DIMT1: variants seen among roughly 807,000 people sequenced by gnomAD.
DIMT1 encodes the protein DIM1 rRNA methyltransferase and ribosome maturation factor, also known as dimethyladenosine transferase.
In DIMT1, 36 loss-of-function variants were observed where a neutral mutation model predicts 43.2. The ratio of observed to expected loss-of-function variants is 0.83; its 90% CI spans 0.64 to 1.10. The LOEUF (loss-of-function observed/expected upper bound fraction) is 1.10. DIMT1 is among the 50% of genes least tolerant of loss of function. DIMT1 has a pLI of 0.00. For synonymous variants in DIMT1, 126 were observed against 130.3 expected, an observed-to-expected ratio of 0.97 and a Z score of 0.22; for missense variants, 341 against 385.3, an observed-to-expected ratio of 0.88 and a Z score of 0.96.
intron 8 of DIMT1, 54 bp from the exon 9 acceptor site, chr5:62,393,044 A>G (rs1216699088): frequency 2.2e-5 from 26 of 1,189,648 alleles, no homozygotes; most frequent in Non-Finnish European, 3.0e-5. Flanking sequence ...GTTCTTGTCT[A>G]TGCCCACTAG....
chr5:62,402,566 CA>C (rs1404934823), intron 2 of DIMT1, among the ~76,000 whole-genome samples: 1 of 152,238 alleles, frequency 6.6e-6, no homozygotes, highest in Non-Finnish European at 1.5e-5. Flanking sequence ...TGTCTGCACA[CA>C]GCTCTAATAT....
intron 11 of DIMT1, 115 bp from the exon 12 acceptor site, chr5:62,389,167 A>C: frequency 2.3e-6 from 2 of 862,790 alleles, no homozygotes; most frequent in Admixed American, 5.6e-5. Flanking sequence ...TACAGAGCCC[A>C]CCCACTCCTA....
chr5:62,398,996 A>G (rs1489241739), intron 3 of DIMT1, 115 bp from the exon 4 acceptor site: 4 of 861,216 alleles, frequency 4.6e-6, no homozygotes, highest in East Asian at 2.7e-5. Context: ...TCCCATTTCT[A>G]CCATCAATAT....
intron 11 of DIMT1, among the ~76,000 whole-genome samples, chr5:62,390,261 T>C (rs1418237647): frequency 6.6e-6 from 1 of 152,222 alleles, no homozygotes; most frequent in African/African-American, 2.4e-5. Flanking sequence ...AATTGAAGCC[T>C]TATTCTGTTT....
In DIMT1 at chr5:62,403,841, C is replaced by T. The variant is rs1476903965; in HGVS notation, c.-69G>A. On this transcript the variant is annotated 5_prime_UTR_variant, in exon 1 of 12. Transcript: ENST00000199320. ...CCAAAGAGGGCTAGCGTGAGAAAGC[C>T]ACCACGTGGGGATCGCCGCCACGCG... 6.6e-7 allele frequency: 1 copy of T among 1,526,002 alleles called. No individual in the cohort carries two copies. The highest frequency in any genetic ancestry group is 8.9e-7 in the Non-Finnish European group (1 of 1,123,032). The allele number at this position is 1,526,002 out of a possible 1,614,324, so 94.5% of individuals were successfully genotyped here.
rs746388202 is a variant in DIMT1, at chr5:62,398,808, A to G, written c.302+12T>C. 3.1e-6 allele frequency: 5 copies of G among 1,613,934 alleles called. No homozygotes were observed. Among genetic ancestry groups the G allele is most frequent in the Admixed American group, 1.7e-5 (1 of 60,002 alleles). ...GATTGAAATGCACTTTAATTCTATTATGTATACTCACGTGCCCTGAACTCT... is the reference window on the plus strand; with the variant it reads ...GATTGAAATGCACTTTAATTCTATTGTGTATACTCACGTGCCCTGAACTCT... On this transcript the variant is annotated intron_variant, in intron 4 of 11. Transcript: ENST00000199320.
At chr5:62,389,498 A>AAAAAAAAAAAAAAAG (rs1162889362) in intron 11 of DIMT1, among the ~76,000 whole-genome samples, 9 of 151,420 alleles carry the variant, frequency 5.9e-5, no homozygotes, top group African/African-American at 2.2e-4. Context: ...AAAAAAAAAA[A>AAAAAAAAAAAAAAAG]AAAGAAATGT....
Position 62,390,881 on chromosome 5 carries a change from G to A in DIMT1, c.894C>T (p.Phe298=), listed in dbSNP as rs750041272. Residue 298 remains phenylalanine, a synonymous_variant, in exon 11 of 12, where the codon TTC becomes TTT. Coordinates refer to ENST00000199320, the MANE Select transcript of DIMT1 (RefSeq NM_014473.4). The stretch of plus-strand genomic sequence containing the variant: ...GAAAACAAAAATGTAATTACCTGAT[G>A]AAGTCATCTATGTCCATGGAACGGG... ...KRARSMDIDD[F]IRLLHGFNAE... is the part of the protein sequence containing the mutation. 4 of 1,611,408 alleles carry A rather than the reference G, an allele frequency of 2.5e-6. No individual in the cohort carries two copies. Among genetic ancestry groups the A allele is most frequent in the Non-Finnish European group, 3.4e-6 (4 of 1,179,312 alleles).
rs1742580307 is a variant in DIMT1, at chr5:62,398,528, T to A, written c.429A>T (p.Leu143=). The A allele has an allele frequency of 1.2e-6, 2 of 1,612,742 alleles. No homozygotes were observed. Among genetic ancestry groups the A allele is most frequent in the African/African-American group, 1.3e-5 (1 of 75,028 alleles). Residue 143 remains leucine, a synonymous_variant, in exon 6 of 12, where the codon CTA becomes CTT. Coordinates refer to ENST00000199320, the MANE Select transcript of DIMT1 (RefSeq NM_014473.4). ...ISSPFVFKLL[L]HRPFFRCAIL... The stretch of plus-strand genomic sequence containing the variant: ...TCACAAACCTGAAAAAAGGTCGATG[T>A]AGCAACAGCTTGAAGACAAAAGGTG...
chr5:62,394,615 G>C lies in DIMT1; in HGVS notation c.447-8C>G. 6.2e-7 allele frequency: 1 copy of C among 1,613,628 alleles called. No individual in the cohort carries two copies. Among genetic ancestry groups the C allele is most frequent in the South Asian group, 1.1e-5 (1 of 90,898 alleles). ...AACATAAGTATAGCACACCTGAAAA[G>C]AAAGCAGAAAGGAATAAGGAAAATG... On this transcript the variant is annotated splice_polypyrimidine_tract_variant and splice_region_variant and intron_variant, in intron 6 of 11. Transcript: ENST00000199320.
intron 1 of DIMT1, 113 bp downstream of exon 1, chr5:62,403,581 C>A (rs1458135431): frequency 7.6e-7 from 1 of 1,317,204 alleles, no homozygotes; most frequent in East Asian, 2.5e-5. Flanking sequence ...TCCGCGCTCA[C>A]GGGAGCGCGT....
chr5:62,392,710 T>C (rs1382379748), intron 9 of DIMT1: 2 of 437,044 alleles, frequency 4.6e-6, no homozygotes, highest in Non-Finnish European at 8.0e-6. Flanking sequence ...TTTTCCTGTT[T>C]TGCCAAAAAA....
intron 6 of DIMT1, among the ~76,000 whole-genome samples, chr5:62,398,037 T>C (rs908341084): frequency 6.6e-6 from 1 of 152,344 alleles, no homozygotes; most frequent in East Asian, 1.9e-4. Flanking sequence ...GAGTTCATGT[T>C]GCTCTGATAG....
intron 6 of DIMT1, 26 bp from the exon 7 acceptor site, chr5:62,394,633 G>A: frequency 6.2e-7 from 1 of 1,611,186 alleles, no homozygotes; most frequent in Admixed American, 1.7e-5. Flanking sequence ...AAAGGAATAA[G>A]GAAAATGGTC....
chr5:62,389,415 G>A (rs564419980), intron 11 of DIMT1, among the ~76,000 whole-genome samples: 13 of 147,188 alleles, frequency 8.8e-5, no homozygotes, highest in South Asian at 2.1e-4. Flanking sequence ...GAACCCAGGA[G>A]GCGGAGGTTG....
At chr5:62,401,495 C>CAAAAA (rs563279122) in intron 3 of DIMT1, among the ~76,000 whole-genome samples, 20 of 60,506 alleles carry the variant, frequency 3.3e-4, no homozygotes, top group African/African-American at 1.3e-3. Flanking sequence ...ATTCCCTCTC[C>CAAAAA]AAAAAAAAAA....
chr5:62,389,151 C>A lies in DIMT1; in HGVS notation c.900-99G>T. The A allele has an allele frequency of 8.4e-6, 9 of 1,077,360 alleles. No individual in the cohort carries two copies. In the South Asian group the frequency reaches 1.2e-4, roughly 14 times the overall value. 66.7% of individuals were successfully genotyped at this position (1,077,360 alleles called of 1,614,324 possible). A position where few individuals can be genotyped will look rare whatever the true frequency, so the allele number is the denominator to read the frequency against. The stretch of plus-strand genomic sequence containing the variant: ...CATTAATACTAAAACATGAATACAG[C>A]ATGCTTACAGAGCCCACCCACTCCT... On this transcript the variant is annotated intron_variant, in intron 11 of 11. Coordinates refer to ENST00000199320, the MANE Select transcript of DIMT1 (RefSeq NM_014473.4).
rs1228424555 is a variant in DIMT1 at position 62,387,647 on chromosome 5, A to T, written c.*1363T>A. The T allele has an allele frequency of 6.6e-6, 1 of 152,200 alleles. No homozygotes were observed. The highest frequency in any genetic ancestry group is 2.4e-5 in the African/African-American group (1 of 41,462). 9.4% of individuals were successfully genotyped at this position (152,200 alleles called of 1,614,324 possible). A position where few individuals can be genotyped will look rare whatever the true frequency, so the allele number is the denominator to read the frequency against. On this transcript the variant is annotated 3_prime_UTR_variant, in exon 12 of 12. Coordinates refer to ENST00000199320, the MANE Select transcript of DIMT1 (RefSeq NM_014473.4). ...TCAGCAGTTCATAGGGGTAGAGGGA[A>T]ATAACCTGAGAAAGCCGAGTTAAAT...
intron 2 of DIMT1, among the ~76,000 whole-genome samples, 199 bp downstream of exon 2, chr5:62,403,074 G>A (rs971791101): frequency 5.3e-5 from 8 of 152,130 alleles, no homozygotes; most frequent in African/African-American, 1.9e-4. Context: ...ACAGAATTGG[G>A]AACCAGGAGA....
Sources: gnomAD v4.1 joint callset for allele counts (sites outside exome capture counted in the v4.1 genomes callset) on GRCh38, gnomAD v4.1.1 for gene constraint, MANE v1.5 for transcripts, NCBI Gene and HGNC (gene_info 2026-07-23, HGNC 2026-07-21) for gene names.